The following RSPH14 variants were observed in gnomAD, a reference collection of about 807,000 sequenced individuals.
RSPH14 encodes the protein radial spoke head 14 homolog.
Under a neutral mutation model 26.7 loss-of-function variants are expected in RSPH14, and 20 were observed. The observed-to-expected ratio is 0.75, with a 90% CI of 0.53 to 1.09. RSPH14 has a LOEUF of 1.09. Among genes scored for constraint, RSPH14 ranks in the 50% least tolerant of loss-of-function variants. The pLI, the probability that RSPH14 is intolerant of heterozygous loss-of-function variation, is 0.00. For missense variants in RSPH14, 449 were observed against 457.2 expected, an observed-to-expected ratio of 0.98 and a Z score of 0.16; for synonymous variants, 177 against 189.3, an observed-to-expected ratio of 0.93 and a Z score of 0.53.
intron 4 of RSPH14, among the ~76,000 whole-genome samples, chr22:23,103,204 T>C (rs1407579891): frequency 6.6e-6 from 1 of 152,150 alleles, no homozygotes; most frequent in Non-Finnish European, 1.5e-5. Flanking sequence ...TGTTTGACAT[T>C]ATATTTGTGG....
intron 4 of RSPH14, chr22:23,131,791 G>A (rs2070364729): frequency 2.1e-6 from 1 of 485,120 alleles, no homozygotes; most frequent in Non-Finnish European, 4.1e-6. Context: ...GTCATTCAAG[G>A]TGCATTTTCA....
At chr22:23,064,892 A>G (rs534501076) in intron 4 of RSPH14, among the ~76,000 whole-genome samples, 6 of 152,268 alleles carry the variant, frequency 3.9e-5, no homozygotes, top group South Asian at 4.1e-4. Flanking sequence ...GTGATTGCCT[A>G]GAGAACCCAG....
At chr22:23,161,411 C>T in the RSPH14 span, 2 of 1,197,560 alleles carry the variant, frequency 1.7e-6, no homozygotes, top group South Asian at 1.3e-5. Context: ...CTTCAGCTCA[C>T]AGCTCTGACT....
rs377352775 is a variant in RSPH14, at chr22:23,129,868, T to A, written c.421+4158A>T. ...CTGGGAGGTGGAGTTTGCAGTGAGC[T>A]GAGACCATGCCACTACAGTACAGCC... is the stretch of plus-strand genomic sequence containing the variant. On this transcript the variant is annotated intron_variant, in intron 4 of 6. Coordinates refer to ENST00000216036, the MANE Select transcript of RSPH14 (RefSeq NM_014433.3). Among the ~76,000 whole-genome samples the A allele has an allele frequency of 7.3e-5, 11 of 150,306 alleles. No homozygotes were observed. In the East Asian group the frequency reaches 1.8e-3, roughly 24 times the overall value.
At chr22:23,105,155 G>A (rs1232920529) in intron 4 of RSPH14, among the ~76,000 whole-genome samples, 6 of 152,172 alleles carry the variant, frequency 3.9e-5, no homozygotes, top group African/African-American at 7.2e-5. Flanking sequence ...AGCCCAGGCC[G>A]GCCACGGCCA....
Position 23,061,853 on chromosome 22 carries a change from G to C in RSPH14, c.746C>G (p.Ser249Cys). The C allele has an allele frequency of 6.2e-7, 1 of 1,614,152 alleles. No homozygotes were observed. The highest frequency in any genetic ancestry group is 8.5e-7 in the Non-Finnish European group (1 of 1,180,024). Residue 249 changes from serine (S) to cysteine (C), a missense_variant, in exon 6 of 7, where the codon TCT becomes TGT. Ser to Cys is a moderately radical substitution (Grantham distance 112). Transcript: ENST00000216036. ...GAACATCAGGGCACCGGCAGCGTTAGACTTCACATGCTCCACTGGGTCTTT... is the reference window on the plus strand; with the variant it reads ...GAACATCAGGGCACCGGCAGCGTTACACTTCACATGCTCCACTGGGTCTTT... The part of the protein sequence containing the change: ...LLKDPVEHVK[S>C]NAAGALMFAT...
chr22:23,083,396 C>A (rs2068732083), intron 4 of RSPH14, among the ~76,000 whole-genome samples: 2 of 152,124 alleles, frequency 1.3e-5, no homozygotes, highest in African/African-American at 4.8e-5. Flanking sequence ...TGCAGGGTGA[C>A]CCCTTTGCAG....
chr22:23,148,672 C>T (rs908951998), upstream of RSPH14, among the ~76,000 whole-genome samples: 3 of 152,246 alleles, frequency 2.0e-5, no homozygotes, highest in African/African-American at 7.2e-5. Context: ...CTTCAGACTG[C>T]TTGCCAGGCA....
At chr22:23,161,582 G>C in the RSPH14 span, 1 of 1,582,072 alleles carries the variant, frequency 6.3e-7, no homozygotes. Context: ...CTGCGTGGAA[G>C]GCCTCCGCTC....
At chr22:23,140,156 T>A in intron 2 of RSPH14, 66 bp downstream of exon 2, 1 of 1,593,052 alleles carries the variant, frequency 6.3e-7, no homozygotes, top group South Asian at 1.1e-5. Flanking sequence ...ATTACTGAAG[T>A]TCTACCCAGT....
At chr22:23,135,456 C>T (rs1336684140) in intron 3 of RSPH14, among the ~76,000 whole-genome samples, 2 of 151,018 alleles carry the variant, frequency 1.3e-5, no homozygotes, top group East Asian at 1.9e-4. Context: ...CGCACAACTG[C>T]GCTCCAGCCT....
At chr22:23,111,964 C>T (rs2069671161) in intron 4 of RSPH14, among the ~76,000 whole-genome samples, 1 of 152,190 alleles carries the variant, frequency 6.6e-6, no homozygotes, top group African/African-American at 2.4e-5. Flanking sequence ...GAGCCTGGTG[C>T]CCAGGTTCCC....
At chr22:23,153,097 C>T in the RSPH14 span, 37 of 1,614,074 alleles carry the variant, frequency 2.3e-5, no homozygotes, top group Admixed American at 3.3e-5. Flanking sequence ...TGAAATTGAG[C>T]GCTTTGAGAT....
At chr22:23,100,101 T>A (rs2069252292) in intron 4 of RSPH14, among the ~76,000 whole-genome samples, 1 of 152,116 alleles carries the variant, frequency 6.6e-6, no homozygotes, top group African/African-American at 2.4e-5. Flanking sequence ...TTTGCACCTG[T>A]GATGGACCTG....
upstream of RSPH14, chr22:23,144,923 T>G (rs2070688797): frequency 6.3e-6 from 1 of 159,140 alleles, no homozygotes; most frequent in Non-Finnish European, 1.4e-5. Flanking sequence ...AAACCGAAAC[T>G]AGTTCAGAGG....
At chr22:23,151,995 G>A in the RSPH14 span, among the ~76,000 whole-genome samples, 1 of 152,214 alleles carries the variant, frequency 6.6e-6, no homozygotes. Flanking sequence ...AGCCCACATC[G>A]GCGCACAGCC....
At chr22:23,165,006 C>T in the RSPH14 span, among the ~76,000 whole-genome samples, 1 of 152,050 alleles carries the variant, frequency 6.6e-6, no homozygotes, top group East Asian at 1.9e-4. Flanking sequence ...ACCCCTACTC[C>T]CAGAGAGGCC....
chr22:23,141,126 C>T (rs899436944), intron 1 of RSPH14, among the ~76,000 whole-genome samples: 6 of 152,074 alleles, frequency 3.9e-5, no homozygotes, highest in Non-Finnish European at 8.8e-5. Context: ...GTCAAGAGAT[C>T]GAGACCATCC....
intron 4 of RSPH14, among the ~76,000 whole-genome samples, chr22:23,073,815 G>A (rs2068438492): frequency 6.6e-6 from 1 of 152,150 alleles, no homozygotes; most frequent in Non-Finnish European, 1.5e-5. Context: ...GGTACAGCAG[G>A]GACGTAGCAT....
Sources: allele counts gnomAD v4.1 joint callset (sites outside exome capture counted in the v4.1 genomes callset), GRCh38; gene constraint gnomAD v4.1.1; transcripts MANE v1.5; gene names NCBI Gene and HGNC (gene_info 2026-07-23, HGNC 2026-07-21).